DIP2C: variants seen among roughly 807,000 people sequenced by gnomAD.
DIP2C encodes disco-interacting protein 2 homolog C.
A neutral mutation model predicts 192.4 loss-of-function variants in DIP2C; 33 were observed. That is an observed-to-expected ratio of 0.17 (90% CI 0.13 to 0.23). The LOEUF is 0.23. Ranked by LOEUF, DIP2C falls within the 10% of genes least tolerant of loss-of-function variation. The probability of loss-of-function intolerance (pLI) is 1.00; values close to 1 mark genes in which losing one functional copy is unlikely to be tolerated. For missense variants in DIP2C, 1,537 were observed against 2,110.1 expected, an observed-to-expected ratio of 0.73 and a Z score of 5.32; for synonymous variants, 979 against 864.1, an observed-to-expected ratio of 1.13 and a Z score of -2.33.
At chr10:617,561 C>T (rs1046903316) in intron 1 of DIP2C, among the ~76,000 whole-genome samples, 1 of 152,144 alleles carries the variant, frequency 6.6e-6, no homozygotes, top group Non-Finnish European at 1.5e-5. Context: ...TCCTCTATTC[C>T]CACTCCACCC....
At chr10:596,778 G>A (rs1017436407) in intron 1 of DIP2C, among the ~76,000 whole-genome samples, 24 of 152,304 alleles carry the variant, frequency 1.6e-4, no homozygotes, top group African/African-American at 5.1e-4. Flanking sequence ...GGAGCCATTG[G>A]TGGCATCACC....
intron 35 of DIP2C, 26 bp downstream of exon 35, chr10:283,246 G>T (rs757137220): frequency 4.4e-6 from 7 of 1,583,134 alleles, no homozygotes; most frequent in East Asian, 4.5e-5. Context: ...ATCTGTTGGG[G>T]GGGGGCCGCC....
intron 1 of DIP2C, among the ~76,000 whole-genome samples, chr10:639,458 C>T (rs1257394157): frequency 1.8e-4 from 27 of 150,014 alleles, no homozygotes; most frequent in Admixed American, 1.4e-3. Flanking sequence ...AGGGTGCTGC[C>T]CGGCTCACGG....
At chr10:591,386 A>C (rs997339827) in intron 1 of DIP2C, among the ~76,000 whole-genome samples, 1 of 152,128 alleles carries the variant, frequency 6.6e-6, no homozygotes, top group African/African-American at 2.4e-5. Flanking sequence ...CGGCCTCTCA[A>C]AGTGCCGGGA....
chr10:531,953 T>C (rs1019161134), intron 1 of DIP2C, among the ~76,000 whole-genome samples: 6 of 152,200 alleles, frequency 3.9e-5, no homozygotes, highest in African/African-American at 1.4e-4. Context: ...CTAACTTTGT[T>C]TTATAGATAA....
At chr10:395,790 G>A (rs1404516949) in intron 10 of DIP2C, among the ~76,000 whole-genome samples, 1 of 152,188 alleles carries the variant, frequency 6.6e-6, no homozygotes, top group African/African-American at 2.4e-5. Context: ...TGAGGGACAG[G>A]CAGGGGATCT....
intron 1 of DIP2C, among the ~76,000 whole-genome samples, chr10:614,171 G>A (rs1295661008): frequency 1.3e-5 from 2 of 152,142 alleles, no homozygotes; most frequent in African/African-American, 4.8e-5. Context: ...CACCTAAAAG[G>A]TATCACTGGG....
At chr10:370,793 G>A (rs1960862594) in intron 17 of DIP2C, among the ~76,000 whole-genome samples, 1 of 152,140 alleles carries the variant, frequency 6.6e-6, no homozygotes, top group South Asian at 2.1e-4. Flanking sequence ...TAAGTTAGCT[G>A]TTTAACTTTA....
Position 614,606 on chromosome 10 carries a change from A to C in DIP2C, c.85+74888T>G, listed in dbSNP as rs551788671. Among the ~76,000 whole-genome samples the C allele has an allele frequency of 5.1e-4, 78 of 152,358 alleles. 1 individual carries two copies. Among genetic ancestry groups the C allele is most frequent in the Non-Finnish European group, 1.0e-3 (70 of 68,024 alleles). The stretch of plus-strand genomic sequence containing the variant: ...CAATCTGCTCGGCCGACACAAAGAC[A>C]ACAGCCACCTACAGCTGCTGAGCCC... On this transcript the variant is annotated intron_variant, in intron 1 of 36. Transcript: ENST00000280886.
intron 1 of DIP2C, among the ~76,000 whole-genome samples, chr10:591,747 A>G (rs1851415083): frequency 1.3e-5 from 2 of 152,012 alleles, no homozygotes; most frequent in Non-Finnish European, 2.9e-5. Flanking sequence ...CTCCAAATAA[A>G]AGCTCAAGGG....
At position 364,523 on chromosome 10, in the gene DIP2C, G is replaced by A; in HGVS notation, c.2328C>T (p.Gly776=). 15 of 1,614,156 alleles carry A rather than the reference G, an allele frequency of 9.3e-6. No individual in the cohort carries two copies. The highest frequency in any genetic ancestry group is 1.6e-4 in the Middle Eastern group (1 of 6,062). Residue 776 remains glycine, a synonymous_variant, in exon 20 of 37, where the codon GGC becomes GGT. Coordinates refer to ENST00000280886, the MANE Select transcript of DIP2C (RefSeq NM_014974.3). ...PISEYPFIRT[G]LLGFVGPGGL... ...CTCCGGGACCCACGAACCCCAGCAA[G>A]CCTGTCCTTATGAATGGGTATTCAC...
At chr10:400,452 A>G (rs1204502965) in intron 9 of DIP2C, among the ~76,000 whole-genome samples, 1 of 152,252 alleles carries the variant, frequency 6.6e-6, no homozygotes, top group Non-Finnish European at 1.5e-5. Context: ...CTCTGCTTCT[A>G]TTTTAACACA....
At position 319,408 on chromosome 10, in the gene DIP2C, T is replaced by C. The variant is rs183462702; in HGVS notation, c.3924+7598A>G. On this transcript the variant is annotated intron_variant, in intron 31 of 36. Transcript: ENST00000280886. ...TATAATAGAAATCCAAGTTTCTGTT[T>C]ATGTTTTTTTCCTAATAAATAAACA... 4.1e-4 allele frequency among the ~76,000 whole-genome samples: 63 copies of C among 152,322 alleles called. 1 individual carries two copies. The highest frequency in any genetic ancestry group is 1.3e-3 in the African/African-American group (55 of 41,578).
chr10:682,141 CTCT>C (rs1334462917), intron 1 of DIP2C, among the ~76,000 whole-genome samples: 3 of 152,250 alleles, frequency 2.0e-5, no homozygotes, highest in Non-Finnish European at 4.4e-5. Flanking sequence ...GAGCAACCAG[CTCT>C]TCCCAGAGCA....
intron 32 of DIP2C, among the ~76,000 whole-genome samples, chr10:304,064 A>T (rs2132282406): frequency 6.6e-6 from 1 of 152,230 alleles, no homozygotes; most frequent in East Asian, 1.9e-4. Context: ...TAACTTTTTT[A>T]TTGTTAAGTA....
chr10:463,524 T>C (rs2133389526), intron 3 of DIP2C, among the ~76,000 whole-genome samples: 1 of 152,324 alleles, frequency 6.6e-6, no homozygotes. Flanking sequence ...AATCATTCCA[T>C]GCTCATGGAT....
At chr10:340,482 T>TA (rs1323871416) in intron 29 of DIP2C, among the ~76,000 whole-genome samples, 1 of 152,174 alleles carries the variant, frequency 6.6e-6, no homozygotes, top group Non-Finnish European at 1.5e-5. Context: ...AACGCTCCAT[T>TA]AGAAAATGAA....
intron 3 of DIP2C, among the ~76,000 whole-genome samples, chr10:454,520 A>AAC (rs1969125055): frequency 8.2e-6 from 1 of 121,872 alleles, no homozygotes; most frequent in African/African-American, 5.7e-5. Context: ...AAGCATCAGC[A>AAC]CCTATCAAAC....
At chr10:673,095 C>T (rs1432988026) in intron 1 of DIP2C, among the ~76,000 whole-genome samples, 1 of 152,128 alleles carries the variant, frequency 6.6e-6, no homozygotes, top group Non-Finnish European at 1.5e-5. Context: ...TGCTGCTCAG[C>T]TGGGAGGGGC....
Sources: allele counts gnomAD v4.1 joint callset (sites outside exome capture counted in the v4.1 genomes callset), GRCh38; gene constraint gnomAD v4.1.1; transcripts MANE v1.5; gene names NCBI Gene and HGNC (gene_info 2026-07-23, HGNC 2026-07-21).